ABHD2: variants seen among roughly 807,000 people sequenced by gnomAD.
ABHD2 encodes abhydrolase domain containing 2, acylglycerol lipase.
ABHD2 carries 20 observed loss-of-function variants against 48.1 expected under a neutral mutation model. The ratio of observed to expected loss-of-function variants is 0.42; its 90% CI spans 0.29 to 0.60. ABHD2 has a LOEUF of 0.60. ABHD2 is among the 20% of genes least tolerant of loss of function. The pLI, the probability that ABHD2 is intolerant of heterozygous loss-of-function variation, is 0.24. For synonymous variants in ABHD2, 209 were observed against 214.2 expected, an observed-to-expected ratio of 0.98 and a Z score of 0.21; for missense variants, 405 against 550.9, an observed-to-expected ratio of 0.74 and a Z score of 2.65.
the ABHD2 span, among the ~76,000 whole-genome samples, chr15:89,080,260 G>A: frequency 3.9e-5 from 6 of 152,178 alleles, no homozygotes; most frequent in African/African-American, 1.2e-4. Context: ...GAGGAAGGCG[G>A]TAGATACAGA....
At chr15:89,192,749 A>G (rs1020524059) in intron 9 of ABHD2, among the ~76,000 whole-genome samples, 4 of 152,168 alleles carry the variant, frequency 2.6e-5, no homozygotes, top group South Asian at 4.2e-4. Flanking sequence ...GGGTCTCACT[A>G]TGTTTCCCAG....
rs293374 is a variant in ABHD2, at chr15:89,094,860, C to T, written c.-107+6297C>T. The stretch of plus-strand genomic sequence containing the variant: ...GGCGGATCACTTGAGACCAGGAGTT[C>T]GAGACCAGCCTGGCCAACATGATGA... On this transcript the variant is annotated intron_variant, in intron 1 of 10. Coordinates refer to ENST00000352732, the MANE Select transcript of ABHD2 (RefSeq NM_152924.5). This position sits in a 1 kb window ranked among gnomAD's most constrained non-coding sequence, Gnocchi z 4.7. Among the ~76,000 whole-genome samples, 53,068 of 151,602 alleles carry T rather than the reference C, an allele frequency of 0.35. 9,963 individuals are homozygous for T. The highest frequency in any genetic ancestry group is 0.44 in the Non-Finnish European group (29,633 of 67,854).
In ABHD2 at chr15:89,190,530, A is replaced by G. The variant is rs146690567; in HGVS notation, c.927-550A>G. Among the ~76,000 whole-genome samples the G allele has an allele frequency of 8.5e-4, 130 of 152,306 alleles. 4 individuals carry two copies. In the East Asian group the frequency reaches 0.013, roughly 16 times the overall value. On this transcript the variant is annotated intron_variant, in intron 8 of 10. Coordinates refer to ENST00000352732, the MANE Select transcript of ABHD2 (RefSeq NM_152924.5). ...CCACTAAGAACTCTGTTAAAAGGAAAGTTCCAGTAAATGTCCTTGAATTTC... is the reference window on the plus strand; with the variant it reads ...CCACTAAGAACTCTGTTAAAAGGAAGGTTCCAGTAAATGTCCTTGAATTTC...
At chr15:89,095,357 A>G (rs998506302) in intron 1 of ABHD2, among the ~76,000 whole-genome samples, 1 of 152,206 alleles carries the variant, frequency 6.6e-6, no homozygotes, top group African/African-American at 2.4e-5. Flanking sequence ...CTTTGCGCCC[A>G]GTTTTTCAGG....
intron 3 of ABHD2, among the ~76,000 whole-genome samples, chr15:89,118,510 G>T (rs968758025): frequency 2.6e-5 from 4 of 152,064 alleles, no homozygotes; most frequent in African/African-American, 9.7e-5. Context: ...CAATAACTTC[G>T]ACTGTTACTG....
the ABHD2 span, chr15:89,070,107 G>A: frequency 1.3e-5 from 2 of 152,216 alleles, no homozygotes; most frequent in African/African-American, 4.8e-5. Context: ...TGGATTGGCT[G>A]TAACTCTGCT....
chr15:89,109,400 C>G (rs1396487624), intron 1 of ABHD2, among the ~76,000 whole-genome samples: 1 of 152,114 alleles, frequency 6.6e-6, no homozygotes, highest in African/African-American at 2.4e-5. Flanking sequence ...GTGGGCTAGC[C>G]GACAGAGAAG....
At chr15:89,135,976 G>A (rs1222955325) in intron 3 of ABHD2, 1 of 349,302 alleles carries the variant, frequency 2.9e-6, no homozygotes, top group Non-Finnish European at 5.3e-6. Context: ...GCCCAGGCTG[G>A]AGTGCAATGG....
intron 10 of ABHD2, 121 bp downstream of exon 10, chr15:89,193,440 C>A: frequency 1.3e-6 from 1 of 789,828 alleles, no homozygotes; most frequent in Non-Finnish European, 2.2e-6. Context: ...CATCTCATAG[C>A]AGTCAGTGTT....
the ABHD2 span, among the ~76,000 whole-genome samples, chr15:89,043,996 G>A: frequency 6.6e-6 from 1 of 151,658 alleles, no homozygotes; most frequent in South Asian, 2.1e-4. Flanking sequence ...CTGGTGTGCT[G>A]CACCCACTAA....
rs1017642574 is a variant in ABHD2 at position 89,189,290 on chromosome 15, G to C, written c.926+987G>C. 6.6e-6 allele frequency among the ~76,000 whole-genome samples: 1 copy of C among 152,102 alleles called. No homozygotes were observed. The highest frequency in any genetic ancestry group is 2.4e-5 in the African/African-American group (1 of 41,412). ...ACATGAGGCAAGGAGTTTGAGACCAGCCTGGGCAACATAGCAAGTCCCTGT... is the reference window on the plus strand; with the variant it reads ...ACATGAGGCAAGGAGTTTGAGACCACCCTGGGCAACATAGCAAGTCCCTGT... On this transcript the variant is annotated intron_variant, in intron 8 of 10. Coordinates refer to ENST00000352732, the MANE Select transcript of ABHD2 (RefSeq NM_152924.5). This position sits in a 1 kb window ranked among gnomAD's most constrained non-coding sequence, Gnocchi z 4.9.
chr15:89,162,725 C>T (rs1316580358), intron 5 of ABHD2, among the ~76,000 whole-genome samples: 5 of 152,150 alleles, frequency 3.3e-5, no homozygotes, highest in African/African-American at 4.8e-5. Context: ...TAATGCCCCT[C>T]CTTACTTTCT....
chr15:89,055,628 T>C, the ABHD2 span, among the ~76,000 whole-genome samples: 1 of 151,636 alleles, frequency 6.6e-6, no homozygotes, highest in Admixed American at 6.6e-5. Flanking sequence ...TAGTTTATAA[T>C]ATTTACAGAG....
intron 3 of ABHD2, among the ~76,000 whole-genome samples, chr15:89,131,548 A>T (rs1224718833): frequency 6.6e-6 from 1 of 152,206 alleles, no homozygotes; most frequent in Non-Finnish European, 1.5e-5. Flanking sequence ...AAGAAAAAGC[A>T]AAACTGGTTT....
At chr15:89,072,029 C>T in the ABHD2 span, among the ~76,000 whole-genome samples, 29,557 of 152,166 alleles carry the variant, frequency 0.19, 3,487 homozygotes, top group East Asian at 0.35. Context: ...ACTGGGATAG[C>T]TGGTCACCCA....
At chr15:89,060,787 C>A in the ABHD2 span, among the ~76,000 whole-genome samples, 4 of 152,082 alleles carry the variant, frequency 2.6e-5, no homozygotes, top group Non-Finnish European at 5.9e-5. Flanking sequence ...TACCCAGAAG[C>A]AAACTATTAA....
intron 3 of ABHD2, among the ~76,000 whole-genome samples, chr15:89,149,078 T>C (rs902128246): frequency 1.2e-4 from 19 of 152,224 alleles, no homozygotes; most frequent in African/African-American, 4.6e-4. Context: ...TGTTGTATTA[T>C]TATGAAGTTA....
At chr15:89,074,011 A>G in the ABHD2 span, among the ~76,000 whole-genome samples, 1 of 152,212 alleles carries the variant, frequency 6.6e-6, no homozygotes, top group Non-Finnish European at 1.5e-5. Context: ...GCGGACCTGA[A>G]TTAAATTCCA....
intron 3 of ABHD2, among the ~76,000 whole-genome samples, chr15:89,117,643 G>A (rs1288117781): frequency 6.6e-6 from 1 of 152,202 alleles, no homozygotes; most frequent in Non-Finnish European, 1.5e-5. Flanking sequence ...TTCCTCAAGT[G>A]TGTCCGTTCA....
Sources: gnomAD v4.1 joint callset for allele counts (sites outside exome capture counted in the v4.1 genomes callset) on GRCh38, gnomAD v4.1.1 for gene constraint, Gnocchi (gnomAD v3.1) non-coding constraint, MANE v1.5 for transcripts, NCBI Gene and HGNC (gene_info 2026-07-23, HGNC 2026-07-21) for gene names.